The following NARS2 variants were observed in gnomAD, a reference collection of about 807,000 sequenced individuals.
NARS2 encodes the protein asparaginyl-tRNA synthetase 2, mitochondrial.
In NARS2, 60 loss-of-function variants were observed where a neutral mutation model predicts 62.9. The observed-to-expected ratio is 0.95, with a 90% CI of 0.77 to 1.18. The LOEUF is 1.18. Among genes scored for constraint, NARS2 ranks in the 50% most tolerant of loss-of-function variants. The probability of loss-of-function intolerance (pLI) is 0.00; values close to 1 mark genes in which losing one functional copy is unlikely to be tolerated. For missense variants in NARS2, 619 were observed against 576.4 expected, an observed-to-expected ratio of 1.07 and a Z score of -0.76; for synonymous variants, 196 against 200.0, an observed-to-expected ratio of 0.98 and a Z score of 0.17.
chr11:78,522,459 T>C (rs1264051086), intron 6 of NARS2, among the ~76,000 whole-genome samples: 2 of 152,222 alleles, frequency 1.3e-5, no homozygotes, highest in African/African-American at 4.8e-5. Context: ...CATTATGTAA[T>C]AATTTATAAG....
intron 9 of NARS2, among the ~76,000 whole-genome samples, chr11:78,475,196 T>C (rs1469285790): frequency 1.3e-5 from 2 of 152,204 alleles, no homozygotes; most frequent in African/African-American, 4.8e-5. Flanking sequence ...GCCTAGCTTC[T>C]TTCACTTAGC....
intron 5 of NARS2, among the ~76,000 whole-genome samples, chr11:78,532,257 A>T (rs1385203938): frequency 6.6e-6 from 1 of 152,214 alleles, no homozygotes; most frequent in Non-Finnish European, 1.5e-5. Flanking sequence ...CAACGATAAA[A>T]GGAAAAACTG....
intron 5 of NARS2, chr11:78,555,142 T>A (rs1856300525): frequency 6.6e-6 from 1 of 152,234 alleles, no homozygotes; most frequent in Admixed American, 6.5e-5. Flanking sequence ...AAGTATTTTG[T>A]TGAGGATTTC....
chr11:78,565,900 G>A (rs548445292), intron 4 of NARS2, among the ~76,000 whole-genome samples: 55 of 152,218 alleles, frequency 3.6e-4, no homozygotes, highest in Non-Finnish European at 6.6e-4. Context: ...GGATCAAAGC[G>A]ATATCAATAG....
At chr11:78,567,042 G>A (rs759090728) in intron 3 of NARS2, among the ~76,000 whole-genome samples, 1 of 152,120 alleles carries the variant, frequency 6.6e-6, no homozygotes, top group Non-Finnish European at 1.5e-5. Context: ...GTGAAAATGT[G>A]ACCATATCAT....
chr11:78,474,060 A>C (rs994329849), intron 9 of NARS2, among the ~76,000 whole-genome samples: 4 of 152,198 alleles, frequency 2.6e-5, no homozygotes, highest in African/African-American at 4.8e-5. Context: ...TAGCACCTGG[A>C]ACTTCTCCTA....
intron 11 of NARS2, among the ~76,000 whole-genome samples, chr11:78,447,474 C>A (rs1163778186): frequency 6.6e-6 from 1 of 152,082 alleles, no homozygotes; most frequent in Non-Finnish European, 1.5e-5. Flanking sequence ...AGAACATACA[C>A]CTCAGCAATC....
At position 78,530,561 on chromosome 11, in the gene NARS2, C is replaced by G. The variant is rs1565261953; in HGVS notation, c.595-1625G>C. Among the ~76,000 whole-genome samples, 4 of 152,202 alleles carry G rather than the reference C, an allele frequency of 2.6e-5. 1 individual carries two copies. In the South Asian group the frequency reaches 8.3e-4, roughly 31 times the overall value. On this transcript the variant is annotated intron_variant, in intron 5 of 13. Coordinates refer to ENST00000281038, the MANE Select transcript of NARS2 (RefSeq NM_024678.6). Reference sequence around the variant, plus strand: ...CGATCTTGACTCACTGCAACCTCCACCTCCCAGGTTCAAGTGATTCTCCTG... The same window carrying G: ...CGATCTTGACTCACTGCAACCTCCAGCTCCCAGGTTCAAGTGATTCTCCTG...
At chr11:78,572,634 T>TA (rs1441339985) in intron 1 of NARS2, among the ~76,000 whole-genome samples, 1 of 152,222 alleles carries the variant, frequency 6.6e-6, no homozygotes, top group Non-Finnish European at 1.5e-5. Context: ...GTTCTTTACT[T>TA]ACCTTACTAC....
chr11:78,502,669 T>C (rs1449688421), intron 6 of NARS2, among the ~76,000 whole-genome samples: 2 of 152,158 alleles, frequency 1.3e-5, no homozygotes, highest in South Asian at 4.1e-4. Flanking sequence ...TTTTATCTTA[T>C]GTGTATTTTG....
intron 5 of NARS2, among the ~76,000 whole-genome samples, chr11:78,559,301 C>CAAAAAAAAAAAAA (rs10627726): frequency 1.7e-5 from 1 of 58,452 alleles, no homozygotes; most frequent in Non-Finnish European, 2.7e-5. Context: ...GACTCCATCT[C>CAAAAAAAAAAAAA]AAAAAAAAAA....
intron 12 of NARS2, 86 bp from the exon 13 acceptor site, chr11:78,441,203 G>T (rs1249813374): frequency 3.2e-6 from 4 of 1,248,594 alleles, no homozygotes; most frequent in South Asian, 2.7e-5. Context: ...TGTGTGCAAA[G>T]AACTCTTTAT....
At chr11:78,569,549 A>G (rs1856849850) in intron 2 of NARS2, among the ~76,000 whole-genome samples, 2 of 152,152 alleles carry the variant, frequency 1.3e-5, no homozygotes, top group South Asian at 4.1e-4. Context: ...TAGCAATACA[A>G]TAAATTTTAT....
chr11:78,543,072 G>A lies in NARS2; in HGVS notation c.595-14136C>T, dbSNP rs959413632. On this transcript the variant is annotated intron_variant, in intron 5 of 13. Transcript: ENST00000281038. ...GGGTGCCTGTAATCCCAGCCACTAG[G>A]GAGGCTGAGGCACAAGAACTGCTTG... Among the ~76,000 whole-genome samples, 4 of 152,174 alleles carry A rather than the reference G, an allele frequency of 2.6e-5. No homozygotes were observed. In the East Asian group the frequency reaches 7.7e-4, roughly 29 times the overall value.
chr11:78,443,597 T>C, intron 12 of NARS2, 64 bp downstream of exon 12: 1 of 1,187,680 alleles, frequency 8.4e-7, no homozygotes, highest in Non-Finnish European at 1.2e-6. Context: ...TACTATGCAA[T>C]GACCACCTTT....
chr11:78,562,375 A>G (rs1331349334), intron 4 of NARS2, among the ~76,000 whole-genome samples: 1 of 152,224 alleles, frequency 6.6e-6, no homozygotes, highest in African/African-American at 2.4e-5. Flanking sequence ...GGTGGCAGTA[A>G]GCCATGACTG....
intron 9 of NARS2, among the ~76,000 whole-genome samples, chr11:78,470,587 A>G (rs1176452103): frequency 1.3e-5 from 2 of 152,212 alleles, no homozygotes; most frequent in African/African-American, 2.4e-5. Context: ...ATTACATAAT[A>G]TTCTATTTTG....
intron 4 of NARS2, among the ~76,000 whole-genome samples, chr11:78,565,636 G>C (rs759030263): frequency 6.6e-6 from 1 of 152,182 alleles, no homozygotes; most frequent in African/African-American, 2.4e-5. Flanking sequence ...TGCAGTATTA[G>C]GTAGATCAGT....
intron 5 of NARS2, among the ~76,000 whole-genome samples, chr11:78,534,441 G>T (rs1318140459): frequency 6.6e-6 from 1 of 151,944 alleles, no homozygotes; most frequent in Admixed American, 6.6e-5. Context: ...TTTTTTTTAG[G>T]AATCTATGAG....
Sources: allele counts gnomAD v4.1 joint callset (sites outside exome capture counted in the v4.1 genomes callset), GRCh38; gene constraint gnomAD v4.1.1; transcripts MANE v1.5; gene names NCBI Gene and HGNC (gene_info 2026-07-23, HGNC 2026-07-21).